Variants in TMEM132C observed in about 807,000 individuals in gnomAD.
The protein encoded by TMEM132C is transmembrane protein 132C, also known as protein phosphatase 1, regulatory subunit 152.
Under a neutral mutation model 61.4 loss-of-function variants are expected in TMEM132C, and 29 were observed. That is an observed-to-expected ratio of 0.47 (90% confidence interval 0.35 to 0.64). TMEM132C has a LOEUF of 0.64. TMEM132C is among the 30% of genes least tolerant of loss of function. The pLI, the probability that TMEM132C is intolerant of heterozygous loss-of-function variation, is 0.00. For synonymous variants in TMEM132C, 656 were observed against 633.1 expected (o/e 1.04, Z -0.54); for missense variants, 1,408 against 1,476.9 (o/e 0.95, Z 0.76).
chr12:128,621,497 A>T (rs543611885), intron 4 of TMEM132C, among the ~76,000 whole-genome samples: 4 of 152,338 alleles, frequency 2.6e-5, no homozygotes, highest in African/African-American at 9.6e-5. Context: ...AGCTGGCAAC[A>T]TGCCAAGCCT....
At chr12:128,617,191 C>T (rs1008964821) in intron 4 of TMEM132C, among the ~76,000 whole-genome samples, 13 of 152,320 alleles carry the variant, frequency 8.5e-5, no homozygotes, top group Middle Eastern at 6.8e-3. Context: ...CGCGGCTGGT[C>T]TGCAGACCAC....
intron 3 of TMEM132C, among the ~76,000 whole-genome samples, chr12:128,602,085 A>C (rs554361414): frequency 6.6e-6 from 1 of 152,288 alleles, no homozygotes; most frequent in Admixed American, 6.5e-5. Flanking sequence ...CATGGTGGTC[A>C]GTACCTGTAG....
chr12:128,479,772 C>T (rs916554066), intron 2 of TMEM132C, among the ~76,000 whole-genome samples: 4 of 152,216 alleles, frequency 2.6e-5, no homozygotes, highest in Non-Finnish European at 5.9e-5. Context: ...AAGCAAACGT[C>T]TTAACTTCCC....
intron 4 of TMEM132C, among the ~76,000 whole-genome samples, chr12:128,640,719 T>G (rs1260493717): frequency 1.3e-5 from 2 of 152,098 alleles, no homozygotes; most frequent in African/African-American, 4.8e-5. Context: ...TGGCAAAACC[T>G]CTACAAAAAA....
chr12:128,592,623 G>A (rs1231441506), intron 3 of TMEM132C, among the ~76,000 whole-genome samples: 1 of 152,214 alleles, frequency 6.6e-6, no homozygotes, highest in African/African-American at 2.4e-5. Flanking sequence ...GAGATGCTAA[G>A]CTCCCTGCCC....
At chr12:128,398,549 T>TA (rs1875041838) in intron 1 of TMEM132C, among the ~76,000 whole-genome samples, 1 of 152,160 alleles carries the variant, frequency 6.6e-6, no homozygotes, top group African/African-American at 2.4e-5. Context: ...AATAAAATTT[T>TA]AAAAAATACA....
intron 4 of TMEM132C, among the ~76,000 whole-genome samples, chr12:128,663,536 G>C (rs1234887155): frequency 2.6e-5 from 4 of 152,176 alleles, no homozygotes; most frequent in Non-Finnish European, 4.4e-5. Context: ...ACCCATTCCT[G>C]GGACAAATCC....
chr12:128,450,916 G>A (rs1246950888), intron 2 of TMEM132C, among the ~76,000 whole-genome samples: 1 of 152,024 alleles, frequency 6.6e-6, no homozygotes, highest in East Asian at 1.9e-4. Flanking sequence ...TCAAACCTTT[G>A]TGCAGCTGAG....
chr12:128,541,009 A>C (rs12817663), intron 2 of TMEM132C, among the ~76,000 whole-genome samples: 1 of 149,352 alleles, frequency 6.7e-6, no homozygotes, highest in Non-Finnish European at 1.5e-5. Context: ...CTGTCTGTCT[A>C]TCTTTCTCTC....
intron 2 of TMEM132C, among the ~76,000 whole-genome samples, chr12:128,511,038 C>A (rs1398061936): frequency 6.6e-6 from 1 of 152,194 alleles, no homozygotes; most frequent in African/African-American, 2.4e-5. Context: ...AGCTGGCAGG[C>A]ATGGAGTGGT....
Position 128,622,428 on chromosome 12 carries a change from T to G in TMEM132C, c.1305+6093T>G, listed in dbSNP as rs1593123879. Among the ~76,000 whole-genome samples the G allele has an allele frequency of 2.2e-5, 3 of 138,866 alleles. No homozygotes were observed. In the East Asian group the frequency reaches 6.8e-4, roughly 32 times the overall value. The allele number at this position is 138,866 out of a possible 152,430, so 91.1% of individuals were successfully genotyped here. A position where few individuals can be genotyped will look rare whatever the true frequency, so the allele number is the denominator to read the frequency against. On this transcript the variant is annotated intron_variant, in intron 4 of 8. Coordinates refer to ENST00000435159, the MANE Select transcript of TMEM132C (RefSeq NM_001136103.3). ...CCAGGAAACATTCCCAGGGTGGTCT[T>G]TCTTCTCTTCATAGACAGTCAAAAT...
intron 1 of TMEM132C, among the ~76,000 whole-genome samples, chr12:128,378,641 C>T (rs949927019): frequency 2.6e-5 from 4 of 152,112 alleles, no homozygotes; most frequent in African/African-American, 7.2e-5. Flanking sequence ...CATAGTAATG[C>T]GTATTCCTCC....
At chr12:128,654,469 T>A (rs1266939639) in intron 4 of TMEM132C, among the ~76,000 whole-genome samples, 1 of 152,168 alleles carries the variant, frequency 6.6e-6, no homozygotes, top group Non-Finnish European at 1.5e-5. Context: ...TTGTATGCCA[T>A]CCCGTTTGCT....
intron 3 of TMEM132C, among the ~76,000 whole-genome samples, chr12:128,566,829 A>G (rs917225673): frequency 3.9e-5 from 6 of 152,222 alleles, no homozygotes; most frequent in African/African-American, 1.4e-4. Context: ...ACAAGTTACT[A>G]AACTCTATGT....
chr12:128,530,561 A>T (rs1873255885), intron 2 of TMEM132C, among the ~76,000 whole-genome samples: 1 of 151,868 alleles, frequency 6.6e-6, no homozygotes. Context: ...CTCCTGCCTC[A>T]GCCTCCCGAG....
chr12:128,578,013 T>C lies in TMEM132C; in HGVS notation c.1121+33910T>C, dbSNP rs139457679. Among the ~76,000 whole-genome samples the C allele has an allele frequency of 3.8e-3, 575 of 152,202 alleles. 2 individuals are homozygous for C. Among genetic ancestry groups the C allele is most frequent in the Admixed American group, 6.1e-3 (93 of 15,308 alleles). ...TGTCTTGTATATTCAAATTAACTCA[T>C]TTTTTTCTTCTTAAATATATTTCAA... On this transcript the variant is annotated intron_variant, in intron 3 of 8. Transcript: ENST00000435159.
At chr12:128,656,991 A>G (rs187892129) in intron 4 of TMEM132C, among the ~76,000 whole-genome samples, 68 of 152,304 alleles carry the variant, frequency 4.5e-4, no homozygotes, top group African/African-American at 1.6e-3. Context: ...CCAGGCAGGC[A>G]TCTTCTCCTG....
At chr12:128,369,265 A>G (rs1269276589) in intron 1 of TMEM132C, among the ~76,000 whole-genome samples, 3 of 152,236 alleles carry the variant, frequency 2.0e-5, no homozygotes, top group Admixed American at 6.5e-5. Flanking sequence ...TAAAATGATG[A>G]GTTTAATACT....
intron 6 of TMEM132C, among the ~76,000 whole-genome samples, chr12:128,694,900 T>A (rs1444402346): frequency 6.6e-6 from 1 of 152,244 alleles, no homozygotes; most frequent in Non-Finnish European, 1.5e-5. Context: ...TCCAATCCAA[T>A]CTCTGCCACT....
Sources: allele counts gnomAD v4.1 joint callset (sites outside exome capture counted in the v4.1 genomes callset), GRCh38; gene constraint gnomAD v4.1.1; transcripts MANE v1.5; gene names NCBI Gene and HGNC (gene_info 2026-07-23, HGNC 2026-07-21).